PI4KB: variants seen among roughly 807,000 people sequenced by gnomAD.
PI4KB encodes the protein phosphatidylinositol 4-kinase beta, also known as PtdIns 4-kinase beta.
In PI4KB, 23 loss-of-function variants were observed where a neutral mutation model predicts 81.4. The observed-to-expected ratio is 0.28, with a 90% confidence interval of 0.20 to 0.40. The LOEUF (loss-of-function observed/expected upper bound fraction) is 0.40, where lower values mean the gene tolerates loss of function less well. Among genes scored for constraint, PI4KB ranks in the 10% least tolerant of loss-of-function variants. The pLI is 1.00. For missense variants in PI4KB, 651 were observed against 1,036.6 expected, an observed-to-expected ratio of 0.63 and a Z score of 5.11; for synonymous variants, 381 against 406.8, an observed-to-expected ratio of 0.94 and a Z score of 0.76.
chr1:151,303,801 A>G (rs1201291246), intron 5 of PI4KB, 151 bp from the exon 6 acceptor site: 6 of 626,134 alleles, frequency 9.6e-6, no homozygotes. Flanking sequence ...CAGGCTGCCC[A>G]GAGCAGCATT....
rs587723695 is a variant in PI4KB, at chr1:151,309,951, G to A, written c.954+260C>T. ...TGCTCCAGACACTCAGGAGCTGGGGGCTGAGCAGCACTGTACTCCAGCTGT... is the reference window on the plus strand; with the variant it reads ...TGCTCCAGACACTCAGGAGCTGGGGACTGAGCAGCACTGTACTCCAGCTGT... On this transcript the variant is annotated intron_variant, in intron 3 of 11. Coordinates refer to ENST00000368873, the MANE Select transcript of PI4KB (RefSeq NM_001369623.2). Among the ~76,000 whole-genome samples the A allele has an allele frequency of 1.2e-4, 18 of 152,300 alleles. No individual in the cohort carries two copies. In the East Asian group the frequency reaches 3.5e-3, roughly 29 times the overall value.
rs587695661 is a variant in PI4KB, at chr1:151,297,539, A to T, written c.2015+1269T>A. On this transcript the variant is annotated intron_variant, in intron 9 of 11. Coordinates refer to ENST00000368873, the MANE Select transcript of PI4KB (RefSeq NM_001369623.2). ...TATGTATGTGTATGTATATATATAA[A>T]TTTTTTTTTTTTTTTGAGTTGGAAT... Among the ~76,000 whole-genome samples the T allele has an allele frequency of 2.2e-3, 308 of 140,630 alleles. 2 individuals carry two copies. The highest frequency in any genetic ancestry group is 7.5e-3 in the African/African-American group (289 of 38,712). The allele number at this position is 140,630 out of a possible 152,430, so 92.3% of individuals were successfully genotyped here.
chr1:151,293,406 C>T (rs1407312090), intron 11 of PI4KB: 3 of 1,286,428 alleles, frequency 2.3e-6, no homozygotes, highest in Non-Finnish European at 2.0e-6. Flanking sequence ...TCACAGATGA[C>T]CTGGGCCACC....
chr1:151,303,473 G>C, intron 6 of PI4KB, 68 bp downstream of exon 6: 2 of 922,398 alleles, frequency 2.2e-6, no homozygotes, highest in Admixed American at 1.7e-5. Context: ...TGGAGAGGAA[G>C]GTAACAAAGA....
At position 151,292,766 on chromosome 1, in the gene PI4KB, G is replaced by C; in HGVS notation, c.*86C>G. The stretch of plus-strand genomic sequence containing the variant: ...CCTTGGGTGGATGGTTGGGTAGGTG[G>C]GGTTTCCTGGTTTGGGGTTTCTCAG... On this transcript the variant is annotated 3_prime_UTR_variant, in exon 12 of 12. Transcript: ENST00000368873. 1 of 1,212,598 alleles carries C rather than the reference G, an allele frequency of 8.2e-7. No homozygotes were observed. Among genetic ancestry groups the C allele is most frequent in the Admixed American group, 2.3e-5 (1 of 43,390 alleles). 75.1% of individuals were successfully genotyped at this position (1,212,598 alleles called of 1,614,324 possible).
Position 151,298,889 on chromosome 1 carries a change from G to A in PI4KB, c.1934C>T (p.Ala645Val), listed in dbSNP as rs777134370. Reference protein sequence around the residue: ...LQEHGSYTTEAFLSAQRNFVQ... With the variant: ...LQEHGSYTTEVFLSAQRNFVQ... Reference sequence around the variant, plus strand: ...AAAATTGCGCTGTGCACTGAGGAATGCCTCAGTGGTGTAACTGCCGTGCTC... The same window carrying A: ...AAAATTGCGCTGTGCACTGAGGAATACCTCAGTGGTGTAACTGCCGTGCTC... Residue 645 changes from alanine to valine, a missense_variant, in exon 9 of 12, where the codon GCA becomes GTA. Coordinates refer to ENST00000368873, the MANE Select transcript of PI4KB (RefSeq NM_001369623.2). 5 of 1,613,604 alleles carry A rather than the reference G, an allele frequency of 3.1e-6. No homozygotes were observed. The Admixed American group carries it at 8.3e-5, about 27-fold the overall frequency.
At chr1:151,305,625 G>A (rs587656241) in intron 5 of PI4KB, among the ~76,000 whole-genome samples, 2 of 152,214 alleles carry the variant, frequency 1.3e-5, no homozygotes, top group South Asian at 4.1e-4. Context: ...CTCTTATAAT[G>A]TCCTATCCTT....
At chr1:151,294,193 C>T in intron 10 of PI4KB, 55 bp from the exon 11 acceptor site, 1 of 1,575,618 alleles carries the variant, frequency 6.3e-7, no homozygotes, top group Non-Finnish European at 8.6e-7. Flanking sequence ...GGGGATGGTC[C>T]CTGTCCTGAC....
At position 151,294,517 on chromosome 1, in the gene PI4KB, G is replaced by T; in HGVS notation, c.2040C>A (p.Asp680Glu). ...CGATGTGGATGATGTGGCCTTCTGC[G>T]TCCAAAAGGATATTCCCATTGTGTC... ...KDRHNGNILL[D>E]AEGHIIHIDF... is the part of the protein sequence containing the mutation. Residue 680 changes from aspartate to glutamate, a missense_variant, in exon 10 of 12, where the codon GAC (aspartate) becomes GAA (glutamate). Coordinates refer to ENST00000368873, the MANE Select transcript of PI4KB (RefSeq NM_001369623.2). The T allele has an allele frequency of 6.2e-7, 1 of 1,614,060 alleles. No homozygotes were observed. Among genetic ancestry groups the T allele is most frequent in the Non-Finnish European group, 8.5e-7 (1 of 1,179,946 alleles).
chr1:151,309,019 G>A (rs1408848392), intron 3 of PI4KB, among the ~76,000 whole-genome samples: 2 of 152,210 alleles, frequency 1.3e-5, no homozygotes, highest in Non-Finnish European at 2.9e-5. Context: ...CTTGGGAGAT[G>A]GTTCAGAGTG....
chr1:151,305,719 T>C (rs1453913324), intron 5 of PI4KB, among the ~76,000 whole-genome samples: 2 of 152,192 alleles, frequency 1.3e-5, no homozygotes, highest in Middle Eastern at 3.2e-3. Context: ...AAATCCCTTG[T>C]AGGCAGGGGC....
chr1:151,299,122 GAGA>G (rs1695038897), intron 8 of PI4KB, 49 bp from the exon 9 acceptor site: 1 of 1,551,826 alleles, frequency 6.4e-7, no homozygotes, highest in Non-Finnish European at 8.9e-7. Context: ...CTCCAAACTA[GAGA>G]AGAAGGCTAA....
At chr1:151,293,690 C>T (rs1018143053) in intron 11 of PI4KB, 1 of 326,624 alleles carries the variant, frequency 3.1e-6, no homozygotes, top group Non-Finnish European at 5.8e-6. Flanking sequence ...ATGGAGAAGA[C>T]AGATGGAAGG....
upstream of PI4KB, chr1:151,327,608 G>T (rs1649850389): frequency 5.2e-6 from 2 of 383,636 alleles, no homozygotes; most frequent in South Asian, 1.5e-4. Flanking sequence ...CCCAGGATAC[G>T]CTTTCCTGCT....
chr1:151,307,544 G>T (rs1433078356), intron 4 of PI4KB, 30 bp downstream of exon 4: 8 of 1,474,010 alleles, frequency 5.4e-6, no homozygotes, highest in South Asian at 1.1e-5. Context: ...GTCACGTCCA[G>T]GGTAGGGGTT....
intron 4 of PI4KB, 116 bp from the exon 5 acceptor site, chr1:151,306,479 A>G (rs897208592): frequency 2.9e-6 from 2 of 678,814 alleles, no homozygotes; most frequent in Non-Finnish European, 2.7e-6. Flanking sequence ...CCTTCATCCA[A>G]TAGTCCTCTG....
rs765842263 is a variant in PI4KB at position 151,294,512 on chromosome 1, T to C, written c.2045A>G (p.Glu682Gly). The part of the protein sequence containing the change: ...RHNGNILLDA[E>G]GHIIHIDFGF... ...AAAGTCGATGTGGATGATGTGGCCT[T>C]CTGCGTCCAAAAGGATATTCCCATT... The change falls in exon 10 of 12, where the codon GAA (glutamate) becomes GGA (glycine). Residue 682 changes from glutamate to glycine, a missense_variant. Around this residue, in one of 5 missense-constraint regions of PI4KB, gnomAD observed 19 missense variants for 77.8 expected, o/e 0.24. Transcript: ENST00000368873. 2 of 1,614,118 alleles carry C rather than the reference T, an allele frequency of 1.2e-6. No homozygotes were observed. The highest frequency in any genetic ancestry group is 1.7e-5 in the Admixed American group (1 of 60,030).
At position 151,316,028 on chromosome 1, in the gene PI4KB, T is replaced by TG. The variant is rs1334679025; in HGVS notation, c.453dup (p.Lys152GlnfsTer30). ...ATGTAGGCTTGTACTCCAGGCTCCT[T>TG]GGAGTTATACAGGTATGAAATGGCC... On this transcript the variant is annotated frameshift_variant, in exon 2 of 12. Coordinates refer to ENST00000368873, the MANE Select transcript of PI4KB (RefSeq NM_001369623.2). LOFTEE classifies it high-confidence loss of function. 1 of 1,614,196 alleles carries TG rather than the reference T, an allele frequency of 6.2e-7. No individual in the cohort carries two copies.
chr1:151,294,344 T>G, intron 10 of PI4KB, 65 bp downstream of exon 10: 1 of 1,579,124 alleles, frequency 6.3e-7, no homozygotes, highest in Admixed American at 1.7e-5. Flanking sequence ...GCCCATCAGC[T>G]CCCTCTCCCA....
Sources: gnomAD v4.1 joint callset for allele counts (sites outside exome capture counted in the v4.1 genomes callset) on GRCh38, gnomAD v4.1.1 for gene constraint, gnomAD v4.1.1 regional missense constraint, MANE v1.5 for transcripts, NCBI Gene and HGNC (gene_info 2026-07-23, HGNC 2026-07-21) for gene names.